COPE: variants seen among roughly 807,000 people sequenced by gnomAD.
COPE encodes the protein coatomer subunit epsilon.
In COPE, 19 loss-of-function variants were observed where a neutral mutation model predicts 42.1. The observed-to-expected ratio is 0.45, with a 90% confidence interval of 0.31 to 0.66. The LOEUF is 0.66. Among genes scored for constraint, COPE ranks in the 30% least tolerant of loss-of-function variants. The pLI is 0.05. For synonymous variants in COPE, 195 were observed against 181.3 expected, an observed-to-expected ratio of 1.08 and a Z score of -0.60; for missense variants, 402 against 416.1, an observed-to-expected ratio of 0.97 and a Z score of 0.30.
intron 4 of COPE, chr19:18,906,479 G>C (rs1477459583): frequency 1.2e-5 from 2 of 161,664 alleles, no homozygotes; most frequent in Admixed American, 1.3e-4. Context: ...TCACGGGGAA[G>C]AACTGACACA....
chr19:18,901,172 G>A (rs914170878), intron 7 of COPE, among the ~76,000 whole-genome samples: 1 of 152,242 alleles, frequency 6.6e-6, no homozygotes, highest in Admixed American at 6.5e-5. Context: ...CCACAGCCAC[G>A]GGGAGGCCAC....
rs777207260 is a variant in COPE at position 18,903,341 on chromosome 19, C to A, written c.662G>T (p.Gly221Val). ...KCSPTLLLLN[G>V]QAACHMAQGR... ...CTGGGCCATGTGGCAGGCCGCCTGC[C>A]CATTGAGCAGCAGCAGGGTGGGCGA... The change falls in exon 7 of 10, where the codon GGG becomes GTG. Residue 221 changes from glycine (G) to valine (V), a missense_variant. Transcript: ENST00000262812. The A allele has an allele frequency of 5.6e-6, 9 of 1,612,724 alleles. No homozygotes were observed. The East Asian group carries it at 2.0e-4, about 36-fold the overall frequency.
intron 2 of COPE, among the ~76,000 whole-genome samples, chr19:18,912,070 C>T (rs1482018612): frequency 1.3e-5 from 2 of 151,886 alleles, no homozygotes; most frequent in Middle Eastern, 3.2e-3. Flanking sequence ...TGGTCTCGAA[C>T]TCCTGACCTC....
At chr19:18,913,974 A>G (rs1008779591) in intron 1 of COPE, among the ~76,000 whole-genome samples, 1 of 151,926 alleles carries the variant, frequency 6.6e-6, no homozygotes, top group Non-Finnish European at 1.5e-5. Flanking sequence ...CTGAGGGAGG[A>G]GCGTGGATGT....
At chr19:18,905,708 T>G in intron 4 of COPE, 79 bp from the exon 5 acceptor site, 2 of 1,421,434 alleles carry the variant, frequency 1.4e-6, no homozygotes, top group Non-Finnish European at 1.9e-6. Context: ...GGGCTCACTG[T>G]GTGTGTCTGG....
At chr19:18,912,298 C>T (rs1441036881) in intron 2 of COPE, among the ~76,000 whole-genome samples, 1 of 152,140 alleles carries the variant, frequency 6.6e-6, no homozygotes, top group Non-Finnish European at 1.5e-5. Context: ...AGGCACATGC[C>T]ACCATGACTG....
At chr19:18,904,641 G>T in intron 6 of COPE, 130 bp downstream of exon 6, 1 of 772,554 alleles carries the variant, frequency 1.3e-6, no homozygotes, top group Non-Finnish European at 2.1e-6. Flanking sequence ...ATGCCAGGCT[G>T]GCAGGGGCCA....
chr19:18,916,972 A>G, intron 1 of COPE, among the ~76,000 whole-genome samples: 1 of 141,962 alleles, frequency 7.0e-6, no homozygotes. Flanking sequence ...AAAAAAAAGT[A>G]TTCCTTCACA....
Position 18,906,976 on chromosome 19 carries a change from C to A in COPE, c.427G>T (p.Gly143Trp). Residue 143 changes from glycine (G) to tryptophan (W), a missense_variant, in exon 4 of 10, where the codon GGG (glycine) becomes TGG (tryptophan). Gly to Trp is a radical substitution (Grantham distance 184). Transcript: ENST00000262812. ...PDAALRALHQGDSLECTAMTV... is the reference protein window; with the variant it reads ...PDAALRALHQWDSLECTAMTV... ...GCCACTCACCACTCCAGGCTGTCCC[C>A]CTGGTGCAGCGCACGCAGGGCGGCA... 1 of 1,565,472 alleles carries A rather than the reference C, an allele frequency of 6.4e-7. No individual in the cohort carries two copies. Among genetic ancestry groups the A allele is most frequent in the Non-Finnish European group, 8.7e-7 (1 of 1,155,392 alleles).
chr19:18,904,463 A>G (rs1277711105), intron 6 of COPE, among the ~76,000 whole-genome samples: 1 of 152,194 alleles, frequency 6.6e-6, no homozygotes, highest in Non-Finnish European at 1.5e-5. Context: ...AGTCGCAGAA[A>G]ACCCCAGGAA....
rs575082525 is a variant in COPE, at chr19:18,900,017, G to T, written c.805-70C>A. On this transcript the variant is annotated intron_variant, in intron 8 of 9. Transcript: ENST00000262812. ...CACGGTGGCTCTGACCTGCTGGACAGGGGTGGATTGGGGTGAGAGCCACAG... is the reference window on the plus strand; with the variant it reads ...CACGGTGGCTCTGACCTGCTGGACATGGGTGGATTGGGGTGAGAGCCACAG... The T allele has an allele frequency of 6.7e-6, 9 of 1,337,182 alleles. No homozygotes were observed. In the East Asian group the frequency reaches 1.6e-4, roughly 24 times the overall value. 82.8% of individuals were successfully genotyped at this position (1,337,182 alleles called of 1,614,324 possible).
At chr19:18,912,688 C>T (rs1229727177) in intron 2 of COPE, among the ~76,000 whole-genome samples, 3 of 146,722 alleles carry the variant, frequency 2.0e-5, no homozygotes, top group African/African-American at 5.1e-5. Context: ...ACCCAGGAGA[C>T]GGAGGTTGCA....
chr19:18,919,173 G>C, intron 1 of COPE, 50 bp downstream of exon 1: 1 of 1,566,288 alleles, frequency 6.4e-7, no homozygotes, highest in Non-Finnish European at 8.7e-7. Flanking sequence ...CCACCAGAAA[G>C]CGTCCTCCGC....
intron 3 of COPE, among the ~76,000 whole-genome samples, chr19:18,908,719 G>A (rs573989894): frequency 1.3e-5 from 2 of 151,644 alleles, no homozygotes; most frequent in South Asian, 2.1e-4. Flanking sequence ...GGGGTTTCAC[G>A]TGTTAGCCAG....
intron 9 of COPE, 60 bp downstream of exon 9, chr19:18,899,813 G>A: frequency 6.2e-7 from 1 of 1,609,998 alleles, no homozygotes; most frequent in Non-Finnish European, 8.5e-7. Context: ...TGTGAGCCCA[G>A]GCTGAGCTCC....
chr19:18,915,875 A>C (rs1052503229), intron 1 of COPE, among the ~76,000 whole-genome samples: 2 of 152,232 alleles, frequency 1.3e-5, no homozygotes, highest in African/African-American at 4.8e-5. Flanking sequence ...AAATGTCAGA[A>C]ACCCAGAAAC....
chr19:18,904,606 C>T (rs1442864211), intron 6 of COPE, among the ~76,000 whole-genome samples, 165 bp downstream of exon 6: 1 of 152,240 alleles, frequency 6.6e-6, no homozygotes, highest in Non-Finnish European at 1.5e-5. Flanking sequence ...CTGTGAGAAG[C>T]CCGGAATGGA....
chr19:18,913,641 G>A (rs2056830511), intron 1 of COPE, among the ~76,000 whole-genome samples: 2 of 152,168 alleles, frequency 1.3e-5, no homozygotes, highest in African/African-American at 2.4e-5. Flanking sequence ...TTTGCATGCT[G>A]CCCCCGGAGG....
intron 3 of COPE, 30 bp downstream of exon 3, chr19:18,910,941 C>A (rs2056803720): frequency 1.9e-6 from 3 of 1,605,890 alleles, no homozygotes; most frequent in Non-Finnish European, 2.6e-6. Context: ...GGCCCCGCGC[C>A]TCAGGCCAAC....
Sources: gnomAD v4.1 joint callset for allele counts (sites outside exome capture counted in the v4.1 genomes callset) on GRCh38, gnomAD v4.1.1 for gene constraint, MANE v1.5 for transcripts, NCBI Gene and HGNC (gene_info 2026-07-23, HGNC 2026-07-21) for gene names.